Variants in ADAMTS6 observed in about 807,000 individuals in gnomAD.
ADAMTS6 encodes A disintegrin and metalloproteinase with thrombospondin motifs 6.
ADAMTS6 carries 23 observed loss-of-function variants against 144.3 expected under a neutral mutation model. The ratio of observed to expected loss-of-function variants is 0.16; its 90% confidence interval spans 0.11 to 0.23. ADAMTS6 has a LOEUF of 0.23. ADAMTS6 is among the 10% of genes least tolerant of loss of function. ADAMTS6 has a pLI of 1.00. For missense variants in ADAMTS6, 999 were observed against 1,379.6 expected (o/e 0.72, Z 4.37); for synonymous variants, 444 against 457.5 (o/e 0.97, Z 0.38).
intron 9 of ADAMTS6, among the ~76,000 whole-genome samples, chr5:65,312,255 C>A (rs2112846354): frequency 1.3e-5 from 2 of 151,648 alleles, no homozygotes; most frequent in Non-Finnish European, 3.0e-5. Context: ...TAAGCTTTCC[C>A]ATTGGAGCAA....
At chr5:65,374,073 A>C (rs902166601) in intron 7 of ADAMTS6, among the ~76,000 whole-genome samples, 4 of 152,336 alleles carry the variant, frequency 2.6e-5, no homozygotes, top group African/African-American at 9.6e-5. Flanking sequence ...TCATGCTAAA[A>C]AGTCTCAATA....
intron 14 of ADAMTS6, among the ~76,000 whole-genome samples, chr5:65,244,804 T>C (rs1759489725): frequency 1.3e-5 from 2 of 152,134 alleles, no homozygotes; most frequent in Non-Finnish European, 2.9e-5. Context: ...CTCCAAATGC[T>C]ACAATAATAG....
intron 15 of ADAMTS6, among the ~76,000 whole-genome samples, chr5:65,231,883 G>T (rs890070929): frequency 6.6e-6 from 1 of 152,138 alleles, no homozygotes; most frequent in Non-Finnish European, 1.5e-5. Flanking sequence ...GCTGAGGTAG[G>T]TGGATCACTT....
At chr5:65,381,365 C>CT (rs541774535) in intron 7 of ADAMTS6, among the ~76,000 whole-genome samples, 2,016 of 141,156 alleles carry the variant, frequency 0.014, 44 homozygotes, top group African/African-American at 0.046. Flanking sequence ...AGGATTATAT[C>CT]TTTTTTTTTT....
intron 7 of ADAMTS6, among the ~76,000 whole-genome samples, chr5:65,449,123 T>C (rs1758527724): frequency 6.6e-6 from 1 of 152,198 alleles, no homozygotes; most frequent in Non-Finnish European, 1.5e-5. Context: ...ATTATAGACT[T>C]TTAAATAGGC....
chr5:65,199,186 A>T (rs1381021830), intron 20 of ADAMTS6, among the ~76,000 whole-genome samples: 1 of 152,158 alleles, frequency 6.6e-6, no homozygotes, highest in Non-Finnish European at 1.5e-5. Context: ...ACTGGCATCC[A>T]AAACATATCT....
rs1245881447 is a variant in ADAMTS6, at chr5:65,481,844, T to C, written c.-781A>G. ...AGTTTTGTTGAAGTAGCCCTAGATC[T>C]CACTACCGGCCCCCAGCCAACTTGA... On this transcript the variant is annotated 5_prime_UTR_variant, in exon 1 of 25. Transcript: ENST00000381055. 1 of 152,508 alleles carries C rather than the reference T, an allele frequency of 6.6e-6. No homozygotes were observed. The highest frequency in any genetic ancestry group is 6.5e-5 in the Admixed American group (1 of 15,286). The allele number at this position is 152,508 out of a possible 1,614,324, so 9.4% of individuals were successfully genotyped here.
At chr5:65,386,926 A>AC (rs1752522245) in intron 7 of ADAMTS6, among the ~76,000 whole-genome samples, 1 of 152,234 alleles carries the variant, frequency 6.6e-6, no homozygotes, top group Non-Finnish European at 1.5e-5. Flanking sequence ...ACAAGCATTG[A>AC]CTGTTCATTT....
chr5:65,256,075 T>G (rs1760629669), intron 14 of ADAMTS6, among the ~76,000 whole-genome samples: 1 of 152,206 alleles, frequency 6.6e-6, no homozygotes, highest in Non-Finnish European at 1.5e-5. Context: ...ATTTACAATC[T>G]TCTTTATAAC....
At chr5:65,462,775 T>C (rs904752834) in intron 3 of ADAMTS6, among the ~76,000 whole-genome samples, 6 of 152,162 alleles carry the variant, frequency 3.9e-5, no homozygotes, top group African/African-American at 1.4e-4. Flanking sequence ...TACATTTTGG[T>C]GGGAGGAGCT....
chr5:65,256,385 C>T (rs551489274), intron 14 of ADAMTS6: 1 of 152,236 alleles, frequency 6.6e-6, no homozygotes, highest in African/African-American at 2.4e-5. Context: ...CCAGCTTAAA[C>T]AAAATTACAT....
At chr5:65,373,788 G>A (rs375983924) in intron 7 of ADAMTS6, among the ~76,000 whole-genome samples, 22 of 152,036 alleles carry the variant, frequency 1.4e-4, no homozygotes, top group East Asian at 1.4e-3. Context: ...TACCAAAGCC[G>A]GGCAGAGACA....
intron 14 of ADAMTS6, among the ~76,000 whole-genome samples, 186 bp downstream of exon 14, chr5:65,260,414 C>T (rs542669862): frequency 6.6e-6 from 1 of 152,100 alleles, no homozygotes; most frequent in Non-Finnish European, 1.5e-5. Context: ...ACTGGAGCTC[C>T]CCCTTGACCC....
chr5:65,473,476 A>C, intron 2 of ADAMTS6, 101 bp downstream of exon 2: 1 of 990,362 alleles, frequency 1.0e-6, no homozygotes, highest in Non-Finnish European at 1.6e-6. Context: ...CTATCACTAC[A>C]TATCCCAAAA....
At chr5:65,265,688 C>A (rs192414617) in intron 12 of ADAMTS6, among the ~76,000 whole-genome samples, 1 of 151,720 alleles carries the variant, frequency 6.6e-6, no homozygotes, top group East Asian at 1.9e-4. Flanking sequence ...TTTCAAATAA[C>A]ATTAAAGCTT....
chr5:65,338,772 C>CTAA (rs1323154256), intron 7 of ADAMTS6, among the ~76,000 whole-genome samples: 1 of 152,170 alleles, frequency 6.6e-6, no homozygotes, highest in African/African-American at 2.4e-5. Context: ...AAGAAACAGC[C>CTAA]GTGTGGGCCA....
At chr5:65,255,065 A>AT (rs1324266909) in intron 14 of ADAMTS6, among the ~76,000 whole-genome samples, 1 of 152,166 alleles carries the variant, frequency 6.6e-6, no homozygotes, top group African/African-American at 2.4e-5. Flanking sequence ...CCCACTATCC[A>AT]TTACTCTCTG....
At chr5:65,342,165 A>C (rs559925556) in intron 7 of ADAMTS6, among the ~76,000 whole-genome samples, 3 of 152,152 alleles carry the variant, frequency 2.0e-5, no homozygotes, top group Non-Finnish European at 4.4e-5. Context: ...AACTCTTAAT[A>C]AATTAGGTAT....
chr5:65,328,777 G>GT (rs980152154), intron 9 of ADAMTS6, among the ~76,000 whole-genome samples: 2 of 135,920 alleles, frequency 1.5e-5, no homozygotes, highest in African/African-American at 6.9e-5. Flanking sequence ...TTTTGCATGG[G>GT]TGGGGGCAGG....
Sources: allele counts gnomAD v4.1 joint callset (sites outside exome capture counted in the v4.1 genomes callset), GRCh38; gene constraint gnomAD v4.1.1; transcripts MANE v1.5; gene names NCBI Gene and HGNC (gene_info 2026-07-23, HGNC 2026-07-21).